CCDC171: variants seen among roughly 807,000 people sequenced by gnomAD.
CCDC171 encodes the protein coiled-coil domain-containing protein 171.
Under a neutral mutation model 168.2 loss-of-function variants are expected in CCDC171, and 177 were observed. The ratio of observed to expected loss-of-function variants is 1.05; its 90% confidence interval spans 0.93 to 1.19. CCDC171 has a LOEUF of 1.19. Ranked by LOEUF, CCDC171 falls within the 50% of genes most tolerant of loss-of-function variation. CCDC171 has a pLI of 0.00. For missense variants in CCDC171, 1,991 were observed against 1,539.0 expected, an observed-to-expected ratio of 1.29 and a Z score of -4.91; for synonymous variants, 687 against 540.8, an observed-to-expected ratio of 1.27 and a Z score of -3.75.
chr9:16,016,866 G>C (rs1446127338), intron 3 of CCDC171, among the ~76,000 whole-genome samples: 1 of 152,148 alleles, frequency 6.6e-6, no homozygotes, highest in African/African-American at 2.4e-5. Context: ...TAGTGTTTAT[G>C]GTGTTCTTCC....
intron 6 of CCDC171, among the ~76,000 whole-genome samples, chr9:16,033,279 G>A (rs1294796431): frequency 1.3e-5 from 2 of 152,210 alleles, no homozygotes; most frequent in Non-Finnish European, 2.9e-5. Context: ...TCCGTGGCCC[G>A]TTAGGAAATG....
chr9:15,762,007 C>T (rs976965268), intron 18 of CCDC171, among the ~76,000 whole-genome samples: 1 of 152,002 alleles, frequency 6.6e-6, no homozygotes, highest in African/African-American at 2.4e-5. Context: ...TATGCAAAAT[C>T]TTACTTTCAT....
At chr9:15,748,599 A>G (rs1178776738) in intron 18 of CCDC171, among the ~76,000 whole-genome samples, 2 of 152,248 alleles carry the variant, frequency 1.3e-5, no homozygotes, top group Non-Finnish European at 2.9e-5. Flanking sequence ...CACAAAGGGA[A>G]GCCCATCAGA....
chr9:16,092,927 CT>C, the CCDC171 span, among the ~76,000 whole-genome samples: 4 of 152,230 alleles, frequency 2.6e-5, no homozygotes, highest in Non-Finnish European at 4.4e-5. Flanking sequence ...TGGTGGCCTT[CT>C]GAGCTCTGCA....
chr9:16,086,258 T>G, the CCDC171 span, among the ~76,000 whole-genome samples: 7 of 152,172 alleles, frequency 4.6e-5, no homozygotes, highest in Non-Finnish European at 8.8e-5. Context: ...TTTATAGTAT[T>G]CTCTGATACT....
At chr9:15,642,337 G>A (rs2046686352) in intron 7 of CCDC171, among the ~76,000 whole-genome samples, 1 of 29,642 alleles carries the variant, frequency 3.4e-5, no homozygotes, top group African/African-American at 1.1e-4. Context: ...ATACACGTGT[G>A]TGTGTGTATA....
intron 1 of CCDC171, among the ~76,000 whole-genome samples, chr9:16,052,492 T>A (rs952306431): frequency 1.7e-4 from 26 of 152,268 alleles, no homozygotes; most frequent in Non-Finnish European, 3.1e-4. Flanking sequence ...CACAAACTTC[T>A]CTTCACACTG....
chr9:15,829,518 G>A (rs575161938), intron 21 of CCDC171, among the ~76,000 whole-genome samples: 3 of 152,290 alleles, frequency 2.0e-5, no homozygotes, highest in Admixed American at 6.5e-5. Flanking sequence ...TGTGTCTAAA[G>A]CATCTAAAAT....
At chr9:15,605,492 A>T (rs893120230) in intron 6 of CCDC171, among the ~76,000 whole-genome samples, 2 of 146,918 alleles carry the variant, frequency 1.4e-5, no homozygotes, top group Admixed American at 6.9e-5. Context: ...ATCCTGGCCA[A>T]CACTGTGAAA....
intron 25 of CCDC171, among the ~76,000 whole-genome samples, chr9:15,943,605 G>T (rs995379078): frequency 1.3e-5 from 2 of 151,904 alleles, no homozygotes; most frequent in Non-Finnish European, 2.9e-5. Context: ...CACCCACACT[G>T]TACCTGACTC....
At chr9:15,937,370 A>G (rs1281422384) in intron 25 of CCDC171, among the ~76,000 whole-genome samples, 1 of 152,036 alleles carries the variant, frequency 6.6e-6, no homozygotes, top group Non-Finnish European at 1.5e-5. Context: ...AAATTTTTTC[A>G]TAGTGAGAAA....
chr9:15,675,041 C>T (rs1285541924), intron 9 of CCDC171, among the ~76,000 whole-genome samples: 2 of 152,088 alleles, frequency 1.3e-5, no homozygotes, highest in East Asian at 3.8e-4. Flanking sequence ...AATCTGGGTG[C>T]TCCTGTATTG....
intron 3 of CCDC171, among the ~76,000 whole-genome samples, chr9:15,990,030 C>G (rs1832134113): frequency 6.6e-6 from 1 of 152,108 alleles, no homozygotes; most frequent in African/African-American, 2.4e-5. Flanking sequence ...GAGAACTTCC[C>G]CAACCTAGCA....
chr9:15,842,286 T>A (rs753795725), intron 21 of CCDC171, among the ~76,000 whole-genome samples: 4 of 152,006 alleles, frequency 2.6e-5, no homozygotes, highest in Non-Finnish European at 5.9e-5. Context: ...GGCCTAATGG[T>A]CTAAAGCACT....
At chr9:15,968,999 AC>A (rs1831085862) in intron 25 of CCDC171, among the ~76,000 whole-genome samples, 1 of 152,136 alleles carries the variant, frequency 6.6e-6, no homozygotes, top group African/African-American at 2.4e-5. Context: ...TAGAGACTAT[AC>A]TTTTGGGGGG....
At chr9:15,623,464 T>TCGCGCGCGCGC (rs1554714740) in intron 7 of CCDC171, 51 bp downstream of exon 7, 45 of 767,336 alleles carry the variant, frequency 5.9e-5, no homozygotes, top group African/African-American at 8.6e-5. Context: ...CTTTCACATA[T>TCGCGCGCGCGC]GCGCGCGCGC....
At chr9:15,698,389 C>T (rs987550864) in intron 11 of CCDC171, among the ~76,000 whole-genome samples, 18 of 151,960 alleles carry the variant, frequency 1.2e-4, no homozygotes, top group Non-Finnish European at 2.5e-4. Flanking sequence ...GGCGTGGTGG[C>T]GGGTGCCTGT....
intron 6 of CCDC171, among the ~76,000 whole-genome samples, chr9:15,608,873 G>T (rs1297171522): frequency 7.9e-6 from 1 of 126,442 alleles, no homozygotes; most frequent in Non-Finnish European, 1.6e-5. Context: ...TGAGAGGATT[G>T]CTTTTGCCTG....
chr9:15,920,868 T>G (rs911258162), intron 25 of CCDC171, among the ~76,000 whole-genome samples: 1 of 151,660 alleles, frequency 6.6e-6, no homozygotes, highest in Non-Finnish European at 1.5e-5. Context: ...AAGATGCATG[T>G]TGTGATTCAT....
Sources: allele counts gnomAD v4.1 joint callset (sites outside exome capture counted in the v4.1 genomes callset), GRCh38; gene constraint gnomAD v4.1.1; transcripts MANE v1.5; gene names NCBI Gene and HGNC (gene_info 2026-07-23, HGNC 2026-07-21).